Variants in SEMA5B observed in about 807,000 individuals in gnomAD.
SEMA5B encodes the protein semaphorin-5B.
SEMA5B carries 66 observed loss-of-function variants against 135.0 expected under a neutral mutation model. The observed-to-expected ratio is 0.49, with a 90% confidence interval of 0.40 to 0.60. The LOEUF (loss-of-function observed/expected upper bound fraction) is 0.60, where lower values mean the gene tolerates loss of function less well. Among genes scored for constraint, SEMA5B ranks in the 20% least tolerant of loss-of-function variants. The pLI is 0.00. For synonymous variants in SEMA5B, 690 were observed against 639.5 expected (o/e 1.08, Z -1.19); for missense variants, 1,501 against 1,566.3 (o/e 0.96, Z 0.70).
intron 1 of SEMA5B, among the ~76,000 whole-genome samples, chr3:122,996,789 C>A (rs950283200): frequency 1.3e-5 from 2 of 152,208 alleles, no homozygotes; most frequent in African/African-American, 4.8e-5. Context: ...CCCTGGGCCT[C>A]TGGGAAGGCA....
At chr3:122,964,310 CAT>C (rs1280188854) in intron 1 of SEMA5B, among the ~76,000 whole-genome samples, 1 of 152,138 alleles carries the variant, frequency 6.6e-6, no homozygotes, top group East Asian at 1.9e-4. Context: ...TGACATGTGA[CAT>C]ATGAGCCAAG....
chr3:123,003,496 AC>A (rs1942232842), intron 1 of SEMA5B, among the ~76,000 whole-genome samples: 1 of 152,070 alleles, frequency 6.6e-6, no homozygotes, highest in South Asian at 2.1e-4. Flanking sequence ...CTAAAATTCC[AC>A]ATCCTGCCAT....
intron 1 of SEMA5B, among the ~76,000 whole-genome samples, chr3:122,963,343 A>G (rs1209430029): frequency 6.6e-6 from 1 of 152,080 alleles, no homozygotes; most frequent in Non-Finnish European, 1.5e-5. Flanking sequence ...CTAACAAACA[A>G]GTTACCAGGT....
At chr3:122,999,668 C>G (rs1218317299) in intron 1 of SEMA5B, among the ~76,000 whole-genome samples, 1 of 152,196 alleles carries the variant, frequency 6.6e-6, no homozygotes, top group African/African-American at 2.4e-5. Context: ...CTTCCCCTCC[C>G]CAGGGAGGAG....
At chr3:123,008,262 G>A (rs1338327054) in intron 1 of SEMA5B, among the ~76,000 whole-genome samples, 2 of 152,150 alleles carry the variant, frequency 1.3e-5, no homozygotes, top group African/African-American at 2.4e-5. Context: ...ATAAGGTCTG[G>A]CCTCTAATCA....
intron 1 of SEMA5B, among the ~76,000 whole-genome samples, chr3:123,000,481 C>T (rs1367039841): frequency 6.6e-6 from 1 of 152,156 alleles, no homozygotes; most frequent in African/African-American, 2.4e-5. Context: ...ATCATAACAG[C>T]AAATGCCTCT....
intron 5 of SEMA5B, among the ~76,000 whole-genome samples, chr3:122,931,542 C>T (rs1938970987): frequency 6.6e-6 from 1 of 152,092 alleles, no homozygotes; most frequent in African/African-American, 2.4e-5. Flanking sequence ...CTTATTCAGA[C>T]ATATGTTTTA....
intron 1 of SEMA5B, among the ~76,000 whole-genome samples, chr3:122,998,755 C>T (rs1456324376): frequency 6.6e-6 from 1 of 152,110 alleles, no homozygotes; most frequent in Non-Finnish European, 1.5e-5. Context: ...GGGCTCCACT[C>T]AGTGAAAAGA....
rs78109417 is a variant in SEMA5B at position 122,935,063 on chromosome 3, C to T, written c.474+4362G>A. Among the ~76,000 whole-genome samples, 60 of 152,102 alleles carry T rather than the reference C, an allele frequency of 3.9e-4. 1 individual carries two copies. In the East Asian group the frequency reaches 0.01, roughly 26 times the overall value. On this transcript the variant is annotated intron_variant, in intron 5 of 22. Transcript: ENST00000357599. ...CGGGGTTCATGTACAATTCTCTTTG[C>T]TTTTGTGTGTGTATGAAATTACGTG... is the stretch of plus-strand genomic sequence containing the variant.
Position 122,911,981 on chromosome 3 carries a change from C to A in SEMA5B, c.2985G>T (p.Gly995=). 1 of 1,613,254 alleles carries A rather than the reference C, an allele frequency of 6.2e-7. No homozygotes were observed. Among genetic ancestry groups the A allele is most frequent in the Non-Finnish European group, 8.5e-7 (1 of 1,179,610 alleles). The part of the protein sequence containing the change: ...RSRHCEELLP[G]SSACAGNSSQ... ...TGCTGTTTCCAGCACAGGCGCTGGA[C>A]CCTGGGAGGAGCTCCTCACAGTGCC... Residue 995 remains glycine (G), a synonymous_variant, in exon 20 of 23, where the codon GGG becomes GGT. Coordinates refer to ENST00000357599, the MANE Select transcript of SEMA5B (RefSeq NM_001031702.4).
chr3:122,938,176 T>C (rs1939385589), intron 5 of SEMA5B, among the ~76,000 whole-genome samples: 1 of 152,226 alleles, frequency 6.6e-6, no homozygotes, highest in Non-Finnish European at 1.5e-5. Flanking sequence ...CCTGATTCAC[T>C]TTAGAACTCA....
chr3:122,995,979 CAGCT>C lies in SEMA5B; in HGVS notation c.-39+31481_-39+31484del, dbSNP rs1474449571. Among the ~76,000 whole-genome samples the C allele has an allele frequency of 2.6e-5, 4 of 152,238 alleles. No homozygotes were observed. The East Asian group carries it at 7.7e-4, about 29-fold the overall frequency. ...GAGCCTGGCTGTCAGCCTCATTCAG[CAGCT>C]CTTAAGATGGCTTGGAGGTGCTCCG... On this transcript the variant is annotated intron_variant, in intron 1 of 22. Transcript: ENST00000357599.
chr3:123,007,168 C>T (rs1476481595), intron 1 of SEMA5B, among the ~76,000 whole-genome samples: 2 of 152,174 alleles, frequency 1.3e-5, no homozygotes, highest in Non-Finnish European at 2.9e-5. Context: ...GCACACGGGT[C>T]TTGCTCTTGC....
chr3:122,911,980 A>T lies in SEMA5B; in HGVS notation c.2986T>A (p.Ser996Thr), dbSNP rs35306342. 1 of 1,613,214 alleles carries T rather than the reference A, an allele frequency of 6.2e-7. No homozygotes were observed. The highest frequency in any genetic ancestry group is 2.2e-5 in the East Asian group (1 of 44,842). ...SRHCEELLPG[S>T]SACAGNSSQS... is the part of the protein sequence containing the mutation. ...CTGCTGTTTCCAGCACAGGCGCTGG[A>T]CCCTGGGAGGAGCTCCTCACAGTGC... Residue 996 changes from serine (S) to threonine (T), a missense_variant, in exon 20 of 23, where the codon TCC (serine) becomes ACC (threonine). By Grantham distance (58) the Ser-to-Thr change is moderately conservative (BLOSUM62 1). Around this residue, in one of 2 missense-constraint regions of SEMA5B, gnomAD observed 927 missense variants for 881.6 expected, o/e 1.05. Transcript: ENST00000357599.
chr3:122,972,971 G>C (rs1286027273), intron 1 of SEMA5B, among the ~76,000 whole-genome samples: 1 of 152,192 alleles, frequency 6.6e-6, no homozygotes, highest in African/African-American at 2.4e-5. Context: ...CACTGGATAA[G>C]GTCCCCAGCC....
chr3:123,017,964 AG>A lies in SEMA5B; in HGVS notation c.-39+9499del, dbSNP rs1324529130. Among the ~76,000 whole-genome samples the A allele has an allele frequency of 2.0e-5, 3 of 152,142 alleles. No homozygotes were observed. In the East Asian group the frequency reaches 5.8e-4, roughly 29 times the overall value. On this transcript the variant is annotated intron_variant, in intron 1 of 22. Coordinates refer to ENST00000357599, the MANE Select transcript of SEMA5B (RefSeq NM_001031702.4). ...TTTTGCTGGACCCCAGACCAGCAAA[AG>A]GTTGGTTGAACCTTTTTAGTGGGTC...
At chr3:122,997,955 A>C (rs1307883798) in intron 1 of SEMA5B, among the ~76,000 whole-genome samples, 2 of 151,820 alleles carry the variant, frequency 1.3e-5, no homozygotes, top group African/African-American at 4.8e-5. Flanking sequence ...TCACGCCCCC[A>C]CTTTAGGGCA....
intron 1 of SEMA5B, among the ~76,000 whole-genome samples, chr3:122,969,226 G>C (rs1941010165): frequency 6.6e-6 from 1 of 152,216 alleles, no homozygotes; most frequent in South Asian, 2.1e-4. Context: ...AGAAGTGGCA[G>C]AGCCGGATCT....
At chr3:122,975,184 C>T (rs1253129193) in intron 1 of SEMA5B, 3 of 152,342 alleles carry the variant, frequency 2.0e-5, no homozygotes, top group Admixed American at 2.0e-4. Context: ...GGAGGGTGGG[C>T]CCTGGGTCCA....
Sources: gnomAD v4.1 joint callset for allele counts (sites outside exome capture counted in the v4.1 genomes callset) on GRCh38, gnomAD v4.1.1 for gene constraint, gnomAD v4.1.1 regional missense constraint, MANE v1.5 for transcripts, NCBI Gene and HGNC (gene_info 2026-07-23, HGNC 2026-07-21) for gene names.